The following DNAH17 variants were observed in gnomAD, a reference collection of about 807,000 sequenced individuals.
DNAH17 encodes dynein axonemal heavy chain 17.
In DNAH17, 376 loss-of-function variants were observed where a neutral mutation model predicts 485.6. The ratio of observed to expected loss-of-function variants is 0.77; its 90% confidence interval spans 0.71 to 0.84. The LOEUF is 0.84. DNAH17 is among the 40% of genes least tolerant of loss of function. The probability of loss-of-function intolerance (pLI) is 0.00; values close to 1 mark genes in which losing one functional copy is unlikely to be tolerated. For missense variants in DNAH17, 6,370 were observed against 5,839.3 expected, an observed-to-expected ratio of 1.09 and a Z score of -2.96; for synonymous variants, 3,031 against 2,405.9, an observed-to-expected ratio of 1.26 and a Z score of -7.60.
chr17:78,544,538 C>T (rs1316727303), intron 16 of DNAH17, among the ~76,000 whole-genome samples: 1 of 151,844 alleles, frequency 6.6e-6, no homozygotes, highest in Non-Finnish European at 1.5e-5. Flanking sequence ...CGCGGTGGCC[C>T]ATGCCTGTAA....
Position 78,567,010 on chromosome 17 carries a change from G to A in DNAH17, c.1441C>T (p.Pro481Ser). The change falls in exon 10 of 81, where the codon CCT becomes TCT. Residue 481 changes from proline (P) to serine (S), a missense_variant. Coordinates refer to ENST00000389840, the MANE Select transcript of DNAH17 (RefSeq NM_173628.4). The part of the protein sequence containing the change: ...FADCKYDPLD[P>S]GDSNFDRDYA... ...GCCCGAGGACCTACCGAGTCTCCAG[G>A]GTCCAAGGGATCATATTTGCAGTCG... 2.5e-6 allele frequency: 4 copies of A among 1,611,798 alleles called. No homozygotes were observed. Among genetic ancestry groups the A allele is most frequent in the Non-Finnish European group, 2.5e-6 (3 of 1,178,826 alleles).
At chr17:78,546,214 T>C (rs573226721) in intron 16 of DNAH17, among the ~76,000 whole-genome samples, 10 of 152,324 alleles carry the variant, frequency 6.6e-5, no homozygotes, top group South Asian at 2.1e-4. Context: ...GCATGAGCCA[T>C]TGAGCTCGGC....
intron 25 of DNAH17, among the ~76,000 whole-genome samples, chr17:78,516,847 T>G (rs1188190296): frequency 6.6e-6 from 1 of 152,202 alleles, no homozygotes; most frequent in Non-Finnish European, 1.5e-5. Context: ...GTAAGAAATA[T>G]GTAGACTTGG....
At position 78,495,979 on chromosome 17, in the gene DNAH17, C is replaced by T; in HGVS notation, c.5799G>A (p.Leu1933=). 1 of 1,613,920 alleles carries T rather than the reference C, an allele frequency of 6.2e-7. No homozygotes were observed. Among genetic ancestry groups the T allele is most frequent in the Non-Finnish European group, 8.5e-7 (1 of 1,179,848 alleles). ...TGGGAATGAGGCCTATGATCTCTCCCAGGAAATTGAATGCTTTTTTCTTGG... is the reference window on the plus strand; with the variant it reads ...TGGGAATGAGGCCTATGATCTCTCCTAGGAAATTGAATGCTTTTTTCTTGG... The part of the protein sequence containing the change: ...IRAKKKAFNF[L]GEIIGLIPTV... Residue 1933 remains leucine, a synonymous_variant, in exon 38 of 81, where the codon CTG becomes CTA. Transcript: ENST00000389840.
At chr17:78,516,495 T>G (rs1241482478) in intron 25 of DNAH17, among the ~76,000 whole-genome samples, 1 of 152,124 alleles carries the variant, frequency 6.6e-6, no homozygotes, top group Non-Finnish European at 1.5e-5. Flanking sequence ...GATACCAGCC[T>G]GACCAACATG....
At chr17:78,518,359 C>A (rs2090843972) in intron 25 of DNAH17, among the ~76,000 whole-genome samples, 1 of 151,644 alleles carries the variant, frequency 6.6e-6, no homozygotes, top group African/African-American at 2.4e-5. Flanking sequence ...ATACTAGTAT[C>A]AGATCAAGCC....
intron 31 of DNAH17, among the ~76,000 whole-genome samples, chr17:78,504,432 AG>A (rs951909245): frequency 6.6e-6 from 1 of 151,906 alleles, no homozygotes; most frequent in Non-Finnish European, 1.5e-5. Flanking sequence ...TCTGTTTGTA[AG>A]GGGTAAGCCC....
At chr17:78,458,238 TCCACTGGCTG>T (rs2087906058) in intron 62 of DNAH17, among the ~76,000 whole-genome samples, 1 of 152,224 alleles carries the variant, frequency 6.6e-6, no homozygotes, top group Admixed American at 6.5e-5. Context: ...GAAATGACTG[TCCACTGGCTG>T]CGAAAGGATC....
rs691362 is a variant in DNAH17 at position 78,432,944 on chromosome 17, T to G, written c.12225+1085A>C. Reference sequence around the variant, plus strand: ...CCGGTGCCAGCACCGTTTCTCACCATGTCACATCCAGGCCCTGGGAGTCCT... The same window carrying G: ...CCGGTGCCAGCACCGTTTCTCACCAGGTCACATCCAGGCCCTGGGAGTCCT... On this transcript the variant is annotated intron_variant, in intron 75 of 80. Transcript: ENST00000389840. Among the ~76,000 whole-genome samples the G allele has an allele frequency of 8.0e-5, 9 of 112,662 alleles. 1 individual carries two copies. The East Asian group carries it at 1.4e-3, about 17-fold the overall frequency. 73.9% of individuals were successfully genotyped at this position (112,662 alleles called of 152,430 possible).
chr17:78,425,752 T>C (rs2086421430), intron 79 of DNAH17, among the ~76,000 whole-genome samples, 181 bp from the exon 80 acceptor site: 4 of 132,068 alleles, frequency 3.0e-5, no homozygotes, highest in South Asian at 5.2e-4. Flanking sequence ...AACTTTGGTG[T>C]CTGCTTTTTT....
chr17:78,572,672 G>T, intron 3 of DNAH17, 29 bp downstream of exon 3: 1 of 1,560,372 alleles, frequency 6.4e-7, no homozygotes, highest in South Asian at 1.2e-5. Context: ...CCCACCCAGC[G>T]GCAGCCGGAA....
chr17:78,476,181 G>A (rs1241939519), intron 52 of DNAH17, among the ~76,000 whole-genome samples: 2 of 152,156 alleles, frequency 1.3e-5, no homozygotes, highest in African/African-American at 2.4e-5. Flanking sequence ...GATCTACTGA[G>A]CACTCAATTC....
rs548517506 is a variant in DNAH17, at chr17:78,479,307, T to C, written c.7900+178A>G. On this transcript the variant is annotated intron_variant, in intron 50 of 80. Coordinates refer to ENST00000389840, the MANE Select transcript of DNAH17 (RefSeq NM_173628.4). ...TTTGTGTATAGAATTTCCTAGCCCC[T>C]ACCTCCCCATGAAGCAATTGTATTT... 2.6e-5 allele frequency among the ~76,000 whole-genome samples: 4 copies of C among 152,300 alleles called. No individual in the cohort carries two copies. In the South Asian group the frequency reaches 6.2e-4, roughly 24 times the overall value.
At chr17:78,426,312 G>GC in intron 79 of DNAH17, 145 bp downstream of exon 79, 1 of 1,024,728 alleles carries the variant, frequency 9.8e-7, no homozygotes, top group Non-Finnish European at 1.3e-6. Context: ...CATGGGCTAG[G>GC]CCCTTCTGGC....
chr17:78,565,223 CGTGA>C (rs2092243137), intron 11 of DNAH17, among the ~76,000 whole-genome samples: 12 of 152,224 alleles, frequency 7.9e-5, no homozygotes, highest in Admixed American at 6.5e-4. Flanking sequence ...TGGTATAAAT[CGTGA>C]GTAAGGTCTG....
intron 16 of DNAH17, among the ~76,000 whole-genome samples, chr17:78,547,491 A>G (rs1169881368): frequency 6.6e-6 from 1 of 152,140 alleles, no homozygotes; most frequent in East Asian, 1.9e-4. Context: ...TGGTCAGAAT[A>G]TGTCTACATG....
chr17:78,435,394 C>T (rs916353443), intron 74 of DNAH17, among the ~76,000 whole-genome samples: 5 of 152,132 alleles, frequency 3.3e-5, no homozygotes, highest in African/African-American at 1.2e-4. Context: ...TTTTCAGAGG[C>T]CCACAGCCCC....
chr17:78,532,576 A>G lies in DNAH17; in HGVS notation c.3020T>C (p.Ile1007Thr). 6.2e-7 allele frequency: 1 copy of G among 1,609,674 alleles called. No homozygotes were observed. Among genetic ancestry groups the G allele is most frequent in the Non-Finnish European group, 8.5e-7 (1 of 1,177,956 alleles). Reference protein sequence around the residue: ...NLQEFMKNFLIYGCAVTAEDL... With the variant: ...NLQEFMKNFLTYGCAVTAEDL... ...CTCCGCAGTGACTGCACACCCATAT[A>G]TCAGGAAATTCTTCATAAACTCCTG... Residue 1007 changes from isoleucine to threonine, a missense_variant, in exon 20 of 81, where the codon ATA (isoleucine) becomes ACA (threonine). Ile to Thr is a moderately conservative substitution (Grantham distance 89). Transcript: ENST00000389840.
In DNAH17 at chr17:78,571,677, C is replaced by T. The variant is rs755734073; in HGVS notation, c.645G>A (p.Ala215=). ...GCAGGGGGTGCAGCCCATCCAGCAG[C>T]GCCTGGGCTGAGTCTTTGCTCAGCA... ...RDVLSKDSAQ[A]LLDGLHPLPQ... is the part of the protein sequence containing the mutation. The change falls in exon 4 of 81, where the codon GCG becomes GCA. Residue 215 remains alanine (A), a synonymous_variant. Coordinates refer to ENST00000389840, the MANE Select transcript of DNAH17 (RefSeq NM_173628.4). 3.3e-5 allele frequency: 53 copies of T among 1,613,888 alleles called. 1 individual carries two copies. Among genetic ancestry groups the T allele is most frequent in the African/African-American group, 2.7e-4 (20 of 74,946 alleles).
Sources: allele counts gnomAD v4.1 joint callset (sites outside exome capture counted in the v4.1 genomes callset), GRCh38; gene constraint gnomAD v4.1.1; transcripts MANE v1.5; gene names NCBI Gene and HGNC (gene_info 2026-07-23, HGNC 2026-07-21).